The following RNF24 variants were observed in gnomAD, a reference collection of about 807,000 sequenced individuals.
RNF24 encodes the protein ring finger protein 24.
A neutral mutation model predicts 20.0 loss-of-function variants in RNF24; 14 were observed. The observed-to-expected ratio is 0.70, with a 90% CI of 0.46 to 1.10. The LOEUF is 1.10. RNF24 is among the 50% of genes least tolerant of loss of function. RNF24 has a pLI of 0.00. For missense variants in RNF24, 124 were observed against 177.6 expected, an observed-to-expected ratio of 0.70 and a Z score of 1.71; for synonymous variants, 45 against 61.1, an observed-to-expected ratio of 0.74 and a Z score of 1.23.
At chr20:3,989,767 C>T (rs1980270653) in intron 1 of RNF24, among the ~76,000 whole-genome samples, 1 of 152,156 alleles carries the variant, frequency 6.6e-6, no homozygotes. Flanking sequence ...CCCTCTTTCC[C>T]TTAGTCAGGA....
At position 3,948,274 on chromosome 20, in the gene RNF24, C is replaced by G; in HGVS notation, c.149G>C (p.Arg50Thr). The G allele has an allele frequency of 6.3e-7, 1 of 1,585,288 alleles. No individual in the cohort carries two copies. Among genetic ancestry groups the G allele is most frequent in the Non-Finnish European group, 8.6e-7 (1 of 1,168,360 alleles). ...ATAAAATTCTTTGTGTGCTTGATGT[C>G]TTAGCCTAAAAGACAGAAATTAGTA... The part of the protein sequence containing the change: ...LLFCCYLIRL[R>T]HQAHKEFYAY... Residue 50 changes from arginine (R) to threonine (T), a missense_variant, in exon 3 of 6, where the codon AGA becomes ACA. Coordinates refer to ENST00000358395, the MANE Select transcript of RNF24 (RefSeq NM_001134337.3).
rs1230012503 is a variant in RNF24 at position 3,927,493 on chromosome 20, GT to G, written c.*6569del. ...TGCAGAATTTTTAGTGTACAAAGAC[GT>G]CTATGAAACCTGAGGTTCAGCATTT... is the stretch of plus-strand genomic sequence containing the variant. On this transcript the variant is annotated 3_prime_UTR_variant, in exon 6 of 6. Coordinates refer to ENST00000358395, the MANE Select transcript of RNF24 (RefSeq NM_001134337.3). 1 of 152,164 alleles carries G rather than the reference GT, an allele frequency of 6.6e-6. No individual in the cohort carries two copies. The highest frequency in any genetic ancestry group is 1.5e-5 in the Non-Finnish European group (1 of 68,034). The allele number at this position is 152,164 out of a possible 1,614,324, so 9.4% of individuals were successfully genotyped here. A position where few individuals can be genotyped will look rare whatever the true frequency, so the allele number is the denominator to read the frequency against.
intron 1 of RNF24, among the ~76,000 whole-genome samples, chr20:4,011,600 A>T (rs1982466189): frequency 6.6e-6 from 1 of 152,270 alleles, no homozygotes; most frequent in Non-Finnish European, 1.5e-5. Context: ...AAAGATAATC[A>T]GTTTTGTCAT....
At chr20:3,957,679 T>C (rs1227654125) in intron 2 of RNF24, among the ~76,000 whole-genome samples, 1 of 152,096 alleles carries the variant, frequency 6.6e-6, no homozygotes, top group Non-Finnish European at 1.5e-5. Flanking sequence ...TCATCCCTTC[T>C]AGAAAGTTCT....
intron 1 of RNF24, among the ~76,000 whole-genome samples, chr20:4,006,728 C>A (rs1981902482): frequency 6.6e-6 from 1 of 152,238 alleles, no homozygotes; most frequent in African/African-American, 2.4e-5. Flanking sequence ...TTCTCCAACT[C>A]CCTGGGGTAC....
At chr20:3,984,521 C>T (rs986900796) in intron 1 of RNF24, among the ~76,000 whole-genome samples, 18 of 152,168 alleles carry the variant, frequency 1.2e-4, no homozygotes, top group African/African-American at 4.3e-4. Flanking sequence ...GTCTCTACAA[C>T]TTATATTTCA....
intron 2 of RNF24, among the ~76,000 whole-genome samples, chr20:3,950,949 C>T (rs1034138433): frequency 1.0e-4 from 13 of 127,072 alleles, no homozygotes; most frequent in Non-Finnish European, 1.9e-4. Flanking sequence ...TCCTTAGCCA[C>T]TTTTAATTTT....
chr20:3,947,186 C>T (rs543776583), intron 3 of RNF24, among the ~76,000 whole-genome samples: 2 of 151,644 alleles, frequency 1.3e-5, no homozygotes, highest in Admixed American at 6.5e-5. Flanking sequence ...GAGCGAGACT[C>T]CGTCTCAAAA....
intron 3 of RNF24, among the ~76,000 whole-genome samples, chr20:3,945,724 A>AAG (rs1444596147): frequency 6.6e-6 from 1 of 151,990 alleles, no homozygotes; most frequent in East Asian, 1.9e-4. Context: ...TCAAAAAAAA[A>AAG]AAAAAAAAGT....
intron 1 of RNF24, among the ~76,000 whole-genome samples, chr20:4,013,185 C>T (rs1260141835): frequency 6.6e-6 from 1 of 151,914 alleles, no homozygotes; most frequent in Non-Finnish European, 1.5e-5. Context: ...AGAATTTGAA[C>T]GTGGTAAGAA....
At chr20:4,009,685 T>C (rs1347725906) in intron 1 of RNF24, among the ~76,000 whole-genome samples, 1 of 152,106 alleles carries the variant, frequency 6.6e-6, no homozygotes, top group Non-Finnish European at 1.5e-5. Context: ...AAAAAGATCT[T>C]ATTAAGATTC....
chr20:3,987,909 G>C (rs1050785054), intron 1 of RNF24, among the ~76,000 whole-genome samples: 42 of 152,074 alleles, frequency 2.8e-4, no homozygotes, highest in Admixed American at 2.6e-4. Context: ...CATAGGTAGA[G>C]ATCATGTAAA....
chr20:4,005,979 G>A (rs1177299735), intron 1 of RNF24, among the ~76,000 whole-genome samples: 1 of 152,194 alleles, frequency 6.6e-6, no homozygotes, highest in African/African-American at 2.4e-5. Context: ...TAAAGGAAGT[G>A]AAGAACTGTA....
chr20:3,986,795 C>T (rs746586715), intron 1 of RNF24, among the ~76,000 whole-genome samples: 7 of 151,394 alleles, frequency 4.6e-5, no homozygotes, highest in African/African-American at 7.3e-5. Context: ...ACTACAGGCA[C>T]GTGCCACCAT....
intron 1 of RNF24, among the ~76,000 whole-genome samples, chr20:4,005,593 CT>C (rs946599378): frequency 5.9e-4 from 90 of 152,104 alleles, no homozygotes; most frequent in African/African-American, 2.0e-3. Context: ...TATCTGTCAA[CT>C]TTTTTCATTC....
chr20:3,999,336 G>T (rs574914405), intron 1 of RNF24, among the ~76,000 whole-genome samples: 9 of 152,288 alleles, frequency 5.9e-5, no homozygotes, highest in South Asian at 2.1e-4. Context: ...GATGGGACAT[G>T]AATCTTTTCC....
In RNF24 at chr20:3,929,761, A is replaced by G. The variant is rs1381392498; in HGVS notation, c.*4302T>C. On this transcript the variant is annotated 3_prime_UTR_variant, in exon 6 of 6. Transcript: ENST00000358395. ...TCCTGTCGCAGATAGAAAGTCAATC[A>G]GAAAAATCTGGTTGTGCTCTTGGAT... The G allele has an allele frequency of 1.3e-5, 2 of 152,292 alleles. No homozygotes were observed. The highest frequency in any genetic ancestry group is 4.8e-5 in the African/African-American group (2 of 41,484). 9.4% of individuals were successfully genotyped at this position (152,292 alleles called of 1,614,324 possible). A position where few individuals can be genotyped will look rare whatever the true frequency, so the allele number is the denominator to read the frequency against.
chr20:3,981,652 T>C (rs779326898), intron 1 of RNF24, among the ~76,000 whole-genome samples: 2 of 152,000 alleles, frequency 1.3e-5, no homozygotes, highest in Non-Finnish European at 2.9e-5. Flanking sequence ...ACTACAGGCA[T>C]GCACCATCAT....
intron 1 of RNF24, among the ~76,000 whole-genome samples, chr20:3,978,040 G>T (rs1600682646): frequency 6.6e-6 from 1 of 151,952 alleles, no homozygotes; most frequent in Middle Eastern, 3.4e-3. Flanking sequence ...ATACTTTGTT[G>T]TATTCCAAAC....
Sources: allele counts gnomAD v4.1 joint callset (sites outside exome capture counted in the v4.1 genomes callset), GRCh38; gene constraint gnomAD v4.1.1; transcripts MANE v1.5; gene names NCBI Gene and HGNC (gene_info 2026-07-23, HGNC 2026-07-21).